RIPK2: variants seen among roughly 807,000 people sequenced by gnomAD.
RIPK2 encodes the protein receptor-interacting serine/threonine-protein kinase 2.
Under a neutral mutation model 60.9 loss-of-function variants are expected in RIPK2, and 38 were observed. The ratio of observed to expected loss-of-function variants is 0.62; its 90% CI spans 0.48 to 0.82. The LOEUF is 0.82. Among genes scored for constraint, RIPK2 ranks in the 40% least tolerant of loss-of-function variants. RIPK2 has a pLI of 0.00. For synonymous variants in RIPK2, 225 were observed against 223.4 expected (o/e 1.01, Z -0.06); for missense variants, 518 against 647.0 (o/e 0.80, Z 2.16).
intron 7 of RIPK2, among the ~76,000 whole-genome samples, chr8:89,781,335 C>G (rs1809494989): frequency 6.9e-6 from 1 of 145,630 alleles, no homozygotes; most frequent in South Asian, 2.2e-4. Context: ...ACCAATTTCT[C>G]TCTTCCTTAA....
chr8:89,774,940 G>A (rs1809373362), intron 6 of RIPK2, among the ~76,000 whole-genome samples: 2 of 152,152 alleles, frequency 1.3e-5, no homozygotes, highest in Admixed American at 1.3e-4. Flanking sequence ...GGCCAAATGA[G>A]ATAAGCAGGA....
chr8:89,759,361 A>G (rs771840754), intron 1 of RIPK2: 8 of 456,320 alleles, frequency 1.8e-5, no homozygotes, highest in South Asian at 1.2e-4. Flanking sequence ...TAGTGAGTTA[A>G]CATCCATGAT....
At chr8:89,769,409 G>C (rs955238589) in intron 3 of RIPK2, among the ~76,000 whole-genome samples, 5 of 151,828 alleles carry the variant, frequency 3.3e-5, no homozygotes, top group Admixed American at 6.6e-5. Context: ...AGCTCTGTGA[G>C]ATGTAGGAAG....
At chr8:89,786,471 C>A (rs1217649594) in intron 8 of RIPK2, 122 bp from the exon 9 acceptor site, 9 of 641,590 alleles carry the variant, frequency 1.4e-5, no homozygotes, top group Non-Finnish European at 2.4e-5. Context: ...GAGACCCTGT[C>A]TGAAAAAAAA....
At chr8:89,771,929 G>C (rs1414872132) in intron 5 of RIPK2, 139 bp downstream of exon 5, 2 of 679,388 alleles carry the variant, frequency 2.9e-6, no homozygotes, top group Non-Finnish European at 5.2e-6. Flanking sequence ...TATCAGTTGT[G>C]AATGCATCAC....
At chr8:89,785,301 C>T (rs969539067) in intron 8 of RIPK2, among the ~76,000 whole-genome samples, 1 of 151,986 alleles carries the variant, frequency 6.6e-6, no homozygotes, top group African/African-American at 2.4e-5. Context: ...ATGACAAAAC[C>T]CCATCTCTAC....
Position 89,758,156 on chromosome 8 carries a change from G to A in RIPK2, c.96G>A (p.Val32=). The A allele has an allele frequency of 6.3e-7, 1 of 1,596,860 alleles. No homozygotes were observed. The highest frequency in any genetic ancestry group is 1.1e-5 in the South Asian group (1 of 88,896). ...TGAGCCGCGGCGCCTCTGGCACTGT[G>A]TCGTCCGCCCGCCACGCAGACTGGC... is the stretch of plus-strand genomic sequence containing the variant. ...RYLSRGASGT[V]SSARHADWRV... is the part of the protein sequence containing the mutation. Residue 32 remains valine, a synonymous_variant, in exon 1 of 11, where the codon GTG becomes GTA. Transcript: ENST00000220751.
At position 89,757,994 on chromosome 8, in the gene RIPK2, G is replaced by C; in HGVS notation, c.-67G>C. ...GGGGCGTATCTGGGCGCCTGAGCGC[G>C]GCGTGGGAGCCTTGGGAGCCGCCGC... On this transcript the variant is annotated 5_prime_UTR_variant, in exon 1 of 11. Coordinates refer to ENST00000220751, the MANE Select transcript of RIPK2 (RefSeq NM_003821.6). The C allele has an allele frequency of 6.8e-7, 1 of 1,462,566 alleles. No homozygotes were observed. Among genetic ancestry groups the C allele is most frequent in the South Asian group, 1.4e-5 (1 of 72,754 alleles). 90.6% of individuals were successfully genotyped at this position (1,462,566 alleles called of 1,614,324 possible).
intron 3 of RIPK2, among the ~76,000 whole-genome samples, chr8:89,767,032 G>A (rs1443502053): frequency 6.6e-6 from 1 of 151,608 alleles, no homozygotes; most frequent in Non-Finnish European, 1.5e-5. Context: ...TTCTTCTATG[G>A]ATCATGCTTT....
chr8:89,771,691 A>T (rs925263250), intron 4 of RIPK2, 50 bp from the exon 5 acceptor site: 7 of 1,284,152 alleles, frequency 5.5e-6, no homozygotes, highest in Admixed American at 2.0e-5. Flanking sequence ...TTAGTTTATT[A>T]TGCAGAGTTC....
In RIPK2 at chr8:89,758,972, G is replaced by A. The variant is rs149209641; in HGVS notation, c.173+739G>A. On this transcript the variant is annotated intron_variant, in intron 1 of 10. Transcript: ENST00000220751. The stretch of plus-strand genomic sequence containing the variant: ...TTGGACCGCACTGCTTTAGAATCAA[G>A]GATGTTTTGCTTCTTATTGTTTTTA... Among the ~76,000 whole-genome samples, 3 of 152,280 alleles carry A rather than the reference G, an allele frequency of 2.0e-5. No individual in the cohort carries two copies. The East Asian group carries it at 5.8e-4, about 29-fold the overall frequency.
chr8:89,764,449 G>T lies in RIPK2; in HGVS notation c.328-892G>T, dbSNP rs145466883. On this transcript the variant is annotated intron_variant, in intron 2 of 10. Transcript: ENST00000220751. ...ACGCATTTGCAGAAAAACTTCTCAAGAACAGTTTTGTACTTTCAGTAGAAG... is the reference window on the plus strand; with the variant it reads ...ACGCATTTGCAGAAAAACTTCTCAATAACAGTTTTGTACTTTCAGTAGAAG... Among the ~76,000 whole-genome samples the T allele has an allele frequency of 4.8e-3, 738 of 152,232 alleles. 3 individuals carry two copies. Among genetic ancestry groups the T allele is most frequent in the African/African-American group, 0.017 (688 of 41,546 alleles).
intron 4 of RIPK2, among the ~76,000 whole-genome samples, chr8:89,771,525 C>T (rs1811957009): frequency 6.6e-6 from 1 of 151,908 alleles, no homozygotes; most frequent in South Asian, 2.1e-4. Flanking sequence ...TAACGTTAAG[C>T]TTGTATTACA....
intron 1 of RIPK2, among the ~76,000 whole-genome samples, chr8:89,760,574 C>A (rs114275995): frequency 0.016 from 2,415 of 152,286 alleles, 72 homozygotes; most frequent in African/African-American, 0.053. Context: ...ATTCTTTGAT[C>A]AAGCAATAGG....
chr8:89,759,105 G>T (rs142463965), intron 1 of RIPK2, among the ~76,000 whole-genome samples: 1 of 152,240 alleles, frequency 6.6e-6, no homozygotes, highest in African/African-American at 2.4e-5. Flanking sequence ...AGATTAAGTA[G>T]AGGAAATGTG....
intron 8 of RIPK2, 34 bp from the exon 9 acceptor site, chr8:89,786,559 T>C (rs1157570102): frequency 1.8e-6 from 2 of 1,128,460 alleles, no homozygotes; most frequent in Non-Finnish European, 1.3e-6. Flanking sequence ...ATAATTTTTA[T>C]TAACCTAAAC....
intron 7 of RIPK2, among the ~76,000 whole-genome samples, chr8:89,780,961 A>T (rs867815733): frequency 4.3e-4 from 64 of 149,624 alleles, no homozygotes; most frequent in African/African-American, 1.5e-3. Context: ...TTTTTTTAAT[A>T]TTACTCAAAA....
chr8:89,771,942 A>C, intron 5 of RIPK2, 152 bp downstream of exon 5: 1 of 651,378 alleles, frequency 1.5e-6, no homozygotes, highest in Non-Finnish European at 2.7e-6. Context: ...TGCATCACAT[A>C]CTGCAAAATA....
chr8:89,771,047 A>C (rs577486041), intron 4 of RIPK2, among the ~76,000 whole-genome samples: 2 of 151,904 alleles, frequency 1.3e-5, no homozygotes, highest in Admixed American at 1.3e-4. Context: ...TAAATCTGCC[A>C]GTCATTCATT....
Sources: allele counts gnomAD v4.1 joint callset (sites outside exome capture counted in the v4.1 genomes callset), GRCh38; gene constraint gnomAD v4.1.1; transcripts MANE v1.5; gene names NCBI Gene and HGNC (gene_info 2026-07-23, HGNC 2026-07-21).